Variants in BCR observed in about 807,000 individuals in gnomAD.
The protein encoded by BCR is breakpoint cluster region protein.
A neutral mutation model predicts 138.6 loss-of-function variants in BCR; 58 were observed. The observed-to-expected ratio is 0.42, with a 90% CI of 0.34 to 0.52. The LOEUF (loss-of-function observed/expected upper bound fraction) is 0.52. Ranked by LOEUF, BCR falls within the 20% of genes least tolerant of loss-of-function variation. The probability of loss-of-function intolerance (pLI) is 0.06; values close to 1 mark genes in which losing one functional copy is unlikely to be tolerated. For synonymous variants in BCR, 786 were observed against 730.1 expected, an observed-to-expected ratio of 1.08 and a Z score of -1.23; for missense variants, 1,599 against 1,727.2, an observed-to-expected ratio of 0.93 and a Z score of 1.32.
intron 12 of BCR, 131 bp downstream of exon 12, chr22:23,288,303 AT>A: frequency 1.0e-6 from 1 of 956,896 alleles, no homozygotes; most frequent in Non-Finnish European, 1.6e-6. Flanking sequence ...TGGAGGGCTA[AT>A]TTAGAAAAGA....
In BCR at chr22:23,185,721, G is replaced by GTTT. The variant is rs369455901; in HGVS notation, c.1279+3488_1279+3490dup. Among the ~76,000 whole-genome samples the GTTT allele has an allele frequency of 3.3e-3, 488 of 148,358 alleles. 1 individual carries two copies. Among genetic ancestry groups the GTTT allele is most frequent in the Non-Finnish European group, 5.1e-3 (340 of 67,158 alleles). On this transcript the variant is annotated intron_variant, in intron 1 of 22. Transcript: ENST00000305877. ...ACAGAAGGAGAGTGTGGTTCTCTCTGTTTTTTTTGTTGTTGTTGTTTTTTT... is the reference window on the plus strand; with the variant it reads ...ACAGAAGGAGAGTGTGGTTCTCTCTGTTTTTTTTTTTGTTGTTGTTGTTTTTTT...
In BCR at chr22:23,253,827, C is replaced by T. The variant is rs373981091; in HGVS notation, c.1308C>T (p.Tyr436=). 29 of 1,612,654 alleles carry T rather than the reference C, an allele frequency of 1.8e-5. No individual in the cohort carries two copies. Among genetic ancestry groups the T allele is most frequent in the Admixed American group, 5.0e-5 (3 of 59,960 alleles). The change falls in exon 2 of 23, where the codon TAC becomes TAT. Residue 436 remains tyrosine (Y), a synonymous_variant. Coordinates refer to ENST00000305877, the MANE Select transcript of BCR (RefSeq NM_004327.4). ...ADGSFGTPPG[Y]GCAADRAEEQ... ...GCTCGTTCGGAACACCACCTGGATA[C>T]GGCTGCGCTGCAGACCGGGCAGAGG...
intron 1 of BCR, among the ~76,000 whole-genome samples, chr22:23,226,323 AGAGAGTGTGT>A (rs1203314442): frequency 7.7e-5 from 4 of 51,678 alleles, no homozygotes; most frequent in African/African-American, 2.2e-4. Context: ...AGAGAGAGAG[AGAGAGTGTGT>A]GTGTGTGTGT....
chr22:23,312,788 G>T (rs933336650), intron 19 of BCR, 99 bp from the exon 20 acceptor site: 19 of 1,439,272 alleles, frequency 1.3e-5, no homozygotes, highest in Admixed American at 1.2e-4. Context: ...CCCGCACAGT[G>T]GTCAGCATGG....
intron 1 of BCR, among the ~76,000 whole-genome samples, chr22:23,192,929 A>G (rs2072433451): frequency 6.6e-6 from 1 of 152,160 alleles, no homozygotes; most frequent in African/African-American, 2.4e-5. Context: ...AGCACTGGGA[A>G]GGAACCATCT....
At chr22:23,225,124 T>C (rs997824681) in intron 1 of BCR, among the ~76,000 whole-genome samples, 1 of 151,538 alleles carries the variant, frequency 6.6e-6, no homozygotes, top group Non-Finnish European at 1.5e-5. Context: ...GTATTTTCTG[T>C]TCAATGAAAG....
intron 2 of BCR, among the ~76,000 whole-genome samples, chr22:23,258,631 G>A (rs939648029): frequency 3.3e-5 from 5 of 152,216 alleles, no homozygotes; most frequent in Non-Finnish European, 5.9e-5. Flanking sequence ...CAGGGCATGT[G>A]TGGCAGCGCC....
intron 22 of BCR, 120 bp downstream of exon 22, chr22:23,314,834 A>G (rs562489735): frequency 7.8e-7 from 1 of 1,288,322 alleles, no homozygotes; most frequent in Admixed American, 1.9e-5. Flanking sequence ...GCCAACATTC[A>G]CAGAGAGGGA....
At chr22:23,263,362 C>A in intron 4 of BCR, 2 of 1,218,772 alleles carry the variant, frequency 1.6e-6, no homozygotes. Context: ...TCGCTCAACT[C>A]CGGCTTCACG....
chr22:23,309,839 C>T (rs2073988556), intron 17 of BCR: 2 of 366,122 alleles, frequency 5.5e-6, no homozygotes, highest in East Asian at 5.3e-5. Context: ...CAATGACACA[C>T]CCAAAAAGGC....
At chr22:23,233,789 C>CA (rs59819093) in intron 1 of BCR, among the ~76,000 whole-genome samples, 2,484 of 69,700 alleles carry the variant, frequency 0.036, 61 homozygotes, top group African/African-American at 0.096. Flanking sequence ...GACCCTGTCT[C>CA]AAAAAAAAAA....
In BCR at chr22:23,279,809, G is replaced by A. The variant is rs148044645; in HGVS notation, c.2116-4168G>A. Among the ~76,000 whole-genome samples, 8 of 152,170 alleles carry A rather than the reference G, an allele frequency of 5.3e-5. No individual in the cohort carries two copies. In the South Asian group the frequency reaches 8.3e-4, roughly 16 times the overall value. ...CTGATTCCTGGAGCATGTCGTAGTC[G>A]GTTCAGGCTGCTGTAACAAAGTATC... is the stretch of plus-strand genomic sequence containing the variant. On this transcript the variant is annotated intron_variant, in intron 8 of 22. Coordinates refer to ENST00000305877, the MANE Select transcript of BCR (RefSeq NM_004327.4).
intron 1 of BCR, among the ~76,000 whole-genome samples, chr22:23,185,657 C>G (rs2072331652): frequency 6.6e-6 from 1 of 150,530 alleles, no homozygotes; most frequent in Admixed American, 6.6e-5. Context: ...CAGAGCGAGA[C>G]ACAGTCTCAA....
Position 23,315,859 on chromosome 22 carries a change from T to C in BCR, c.*337T>C, listed in dbSNP as rs941465523. 4.3e-5 allele frequency: 19 copies of C among 439,094 alleles called. No homozygotes were observed. Among genetic ancestry groups the C allele is most frequent in the Non-Finnish European group, 7.3e-5 (17 of 231,414 alleles). 27.2% of individuals were successfully genotyped at this position (439,094 alleles called of 1,614,324 possible). On this transcript the variant is annotated 3_prime_UTR_variant, in exon 23 of 23. Coordinates refer to ENST00000305877, the MANE Select transcript of BCR (RefSeq NM_004327.4). The stretch of plus-strand genomic sequence containing the variant: ...AACTTAGAGTCTAAAAGATTTCTAC[T>C]GGATCACTTGTCAAGATGCGCCCTC...
intron 1 of BCR, among the ~76,000 whole-genome samples, chr22:23,219,919 G>A (rs965084563): frequency 7.4e-6 from 1 of 134,868 alleles, no homozygotes; most frequent in East Asian, 2.3e-4. Context: ...GCTCCCTTTG[G>A]TACTTGTGTG....
Position 23,180,769 on chromosome 22 carries a change from C to CCGCGCGCCGAG in BCR, c.-189_-188insGCGCCGAGCGC. 5.9e-6 allele frequency: 1 copy of CCGCGCGCCGAG among 168,592 alleles called. No individual in the cohort carries two copies. Among genetic ancestry groups the CCGCGCGCCGAG allele is most frequent in the Non-Finnish European group, 1.2e-5 (1 of 86,202 alleles). 10.4% of individuals were successfully genotyped at this position (168,592 alleles called of 1,614,324 possible). A position where few individuals can be genotyped will look rare whatever the true frequency, so the allele number is the denominator to read the frequency against. ...CCCGCGCCCTTCCCCCCGGCGCGCC[C>CCGCGCGCCGAG]CGCCCCGCGCGCCGAGCGCCCCGCT... On this transcript the variant is annotated 5_prime_UTR_variant, in exon 1 of 23. Coordinates refer to ENST00000305877, the MANE Select transcript of BCR (RefSeq NM_004327.4).
In BCR at chr22:23,181,038, C is replaced by T. The variant is rs1307834747; in HGVS notation, c.78C>T (p.Arg26=). Residue 26 remains arginine, a synonymous_variant, in exon 1 of 23, where the codon CGC becomes CGT. Transcript: ENST00000305877. Reference sequence around the variant, plus strand: ...CAGAGCCCCCGCGCATGGAGCTGCGCTCAGTGGGCGACATCGAGCAGGAGC... The same window carrying T: ...CAGAGCCCCCGCGCATGGAGCTGCGTTCAGTGGGCGACATCGAGCAGGAGC... The part of the protein sequence containing the change: ...PDSEPPRMEL[R]SVGDIEQELE... The T allele has an allele frequency of 2.6e-6, 4 of 1,520,444 alleles. No homozygotes were observed. Among genetic ancestry groups the T allele is most frequent in the Middle Eastern group, 1.7e-4 (1 of 5,734 alleles). 94.2% of individuals were successfully genotyped at this position (1,520,444 alleles called of 1,614,324 possible). A position where few individuals can be genotyped will look rare whatever the true frequency, so the allele number is the denominator to read the frequency against.
chr22:23,258,625 G>A (rs1291451182), intron 2 of BCR, among the ~76,000 whole-genome samples: 1 of 152,176 alleles, frequency 6.6e-6, no homozygotes, highest in African/African-American at 2.4e-5. Context: ...TGCTCCCAGG[G>A]CATGTGTGGC....
intron 1 of BCR, among the ~76,000 whole-genome samples, chr22:23,221,251 G>A (rs948536554): frequency 3.3e-5 from 5 of 152,270 alleles, no homozygotes; most frequent in South Asian, 2.1e-4. Context: ...TCAGGCTTCC[G>A]AGGCACATGT....
Sources: gnomAD v4.1 joint callset for allele counts (sites outside exome capture counted in the v4.1 genomes callset) on GRCh38, gnomAD v4.1.1 for gene constraint, MANE v1.5 for transcripts, NCBI Gene and HGNC (gene_info 2026-07-23, HGNC 2026-07-21) for gene names.